The following FRK variants were observed in gnomAD, a reference collection of about 807,000 sequenced individuals.
FRK encodes fyn related Src family tyrosine kinase.
A neutral mutation model predicts 56.4 loss-of-function variants in FRK; 51 were observed. The ratio of observed to expected loss-of-function variants is 0.90; its 90% CI spans 0.72 to 1.14. FRK has a LOEUF of 1.14. FRK is among the 50% of genes most tolerant of loss of function. The pLI is 0.00. For synonymous variants in FRK, 245 were observed against 217.9 expected (o/e 1.12, Z -1.10); for missense variants, 570 against 601.4 (o/e 0.95, Z 0.55).
chr6:116,028,389 A>ACATT (rs1186956469), intron 1 of FRK, among the ~76,000 whole-genome samples: 1 of 152,172 alleles, frequency 6.6e-6, no homozygotes. Flanking sequence ...TCAAAAGAAA[A>ACATT]CATTCATTCA....
chr6:116,055,538 T>G (rs1385855234), intron 1 of FRK, among the ~76,000 whole-genome samples: 1 of 152,236 alleles, frequency 6.6e-6, no homozygotes, highest in Admixed American at 6.5e-5. Context: ...TAGGTCAGTA[T>G]GGGTGGCTCC....
chr6:116,056,256 C>A (rs1051670470), intron 1 of FRK, among the ~76,000 whole-genome samples: 1 of 151,012 alleles, frequency 6.6e-6, no homozygotes, highest in Non-Finnish European at 1.5e-5. Context: ...GCTCTGTCAC[C>A]CAGCCTGGAG....
At position 116,031,140 on chromosome 6, in the gene FRK, T is replaced by A. The variant is rs2114762189; in HGVS notation, c.345-27142A>T. Among the ~76,000 whole-genome samples the A allele has an allele frequency of 2.6e-5, 4 of 152,256 alleles. No homozygotes were observed. In the South Asian group the frequency reaches 8.3e-4, roughly 32 times the overall value. On this transcript the variant is annotated intron_variant, in intron 1 of 7. Transcript: ENST00000606080. The stretch of plus-strand genomic sequence containing the variant: ...AAAAAGTGTAAGAAAGTCTAAATGC[T>A]AACTGTTAAGATGAGGGTTAAATTA...
chr6:116,032,848 C>T (rs1451339751), intron 1 of FRK, among the ~76,000 whole-genome samples: 1 of 151,750 alleles, frequency 6.6e-6, no homozygotes, highest in Non-Finnish European at 1.5e-5. Context: ...GCATTCAATT[C>T]ATTAAAAAAA....
intron 2 of FRK, among the ~76,000 whole-genome samples, chr6:115,988,126 T>C (rs555763999): frequency 2.0e-5 from 3 of 152,172 alleles, no homozygotes; most frequent in African/African-American, 7.2e-5. Flanking sequence ...CTGTGCCAAA[T>C]TTTCTAATAA....
At chr6:116,096,354 A>AT in the FRK span, among the ~76,000 whole-genome samples, 2 of 152,098 alleles carry the variant, frequency 1.3e-5, no homozygotes, top group Non-Finnish European at 2.9e-5. Context: ...TCGAGTGGGG[A>AT]TTTTTTGTGT....
At chr6:116,039,124 C>T (rs1369433374) in intron 1 of FRK, 6 of 863,144 alleles carry the variant, frequency 7.0e-6, no homozygotes, top group East Asian at 2.4e-5. Context: ...TCAGAGTAAT[C>T]GCTTGCACTG....
At chr6:115,950,109 G>A (rs1334562148) in intron 5 of FRK, among the ~76,000 whole-genome samples, 1 of 152,092 alleles carries the variant, frequency 6.6e-6, no homozygotes, top group African/African-American at 2.4e-5. Context: ...TACCATTCAG[G>A]ACATAGGCAT....
intron 1 of FRK, among the ~76,000 whole-genome samples, chr6:116,035,305 G>C (rs1216905352): frequency 2.0e-5 from 3 of 152,048 alleles, no homozygotes; most frequent in Non-Finnish European, 2.9e-5. Context: ...GAGAATTTAA[G>C]TTATAGTGGT....
chr6:116,084,507 G>A, the FRK span, among the ~76,000 whole-genome samples: 1 of 152,164 alleles, frequency 6.6e-6, no homozygotes, highest in Non-Finnish European at 1.5e-5. Context: ...TGGGGTGACT[G>A]TAATAATCAT....
At chr6:115,990,745 T>C (rs116853409) in intron 2 of FRK, among the ~76,000 whole-genome samples, 2,182 of 152,144 alleles carry the variant, frequency 0.014, 27 homozygotes, top group Non-Finnish European at 0.023. Context: ...AGGATTGCTT[T>C]GGCTATTTGT....
At position 115,942,341 on chromosome 6, in the gene FRK, ATAACAT is replaced by A; in HGVS notation, c.*67_*72del. Reference sequence around the variant, plus strand: ...GATAAACTGATTGTGCAGTTGGTTGATAACATTGTATTTTGGAATGGATTATTTGAA... The same window carrying A: ...GATAAACTGATTGTGCAGTTGGTTGATGTATTTTGGAATGGATTATTTGAA... On this transcript the variant is annotated 3_prime_UTR_variant, in exon 8 of 8. Coordinates refer to ENST00000606080, the MANE Select transcript of FRK (RefSeq NM_002031.3). 1 of 1,245,984 alleles carries A rather than the reference ATAACAT, an allele frequency of 8.0e-7. No individual in the cohort carries two copies. Among genetic ancestry groups the A allele is most frequent in the Non-Finnish European group, 1.2e-6 (1 of 860,086 alleles). The allele number at this position is 1,245,984 out of a possible 1,614,324, so 77.2% of individuals were successfully genotyped here.
chr6:116,064,183 C>A (rs776388354), upstream of FRK, among the ~76,000 whole-genome samples: 4 of 152,190 alleles, frequency 2.6e-5, no homozygotes, highest in African/African-American at 4.8e-5. Flanking sequence ...ACCTCTGCAT[C>A]CTCCTCTACC....
intron 1 of FRK, among the ~76,000 whole-genome samples, chr6:116,007,727 A>G (rs897172371): frequency 3.9e-5 from 6 of 152,282 alleles, no homozygotes; most frequent in African/African-American, 1.4e-4. Context: ...TCATACTCCA[A>G]AGATCACTCA....
chr6:116,010,664 TATTTA>T (rs1006095137), intron 1 of FRK, among the ~76,000 whole-genome samples: 1 of 152,200 alleles, frequency 6.6e-6, no homozygotes, highest in African/African-American at 2.4e-5. Context: ...ATTAGGAAGT[TATTTA>T]ACCTCTCTAT....
intron 5 of FRK, among the ~76,000 whole-genome samples, chr6:115,951,263 A>T (rs1772739925): frequency 6.6e-6 from 1 of 152,196 alleles, no homozygotes; most frequent in Non-Finnish European, 1.5e-5. Flanking sequence ...AGTGTTTTTT[A>T]AAGAAAAAAA....
chr6:115,954,594 C>A (rs572540090), intron 5 of FRK, among the ~76,000 whole-genome samples: 6 of 152,210 alleles, frequency 3.9e-5, no homozygotes, highest in African/African-American at 1.2e-4. Flanking sequence ...GGAAAGACTG[C>A]AAGAGTAGCA....
At chr6:116,012,702 T>C (rs781540917) in intron 1 of FRK, among the ~76,000 whole-genome samples, 20 of 152,212 alleles carry the variant, frequency 1.3e-4, no homozygotes, top group Non-Finnish European at 2.5e-4. Context: ...ATACTGAACA[T>C]TGAACTTTAG....
In FRK at chr6:116,060,212, C is replaced by A. The variant is rs1777576029; in HGVS notation, c.100G>T (p.Ala34Ser). The A allele has an allele frequency of 6.2e-7, 1 of 1,613,992 alleles. No individual in the cohort carries two copies. Among genetic ancestry groups the A allele is most frequent in the Non-Finnish European group, 8.5e-7 (1 of 1,180,026 alleles). The change falls in exon 1 of 8, where the codon GCC becomes TCC. Residue 34 changes from alanine to serine, a missense_variant. By Grantham distance (99) the Ala-to-Ser change is moderately conservative. Transcript: ENST00000606080. ...DKSTVIENPG[A>S]LCSPQSQRHG... ...CTCTGTGACTGGGGAGAGCAAAGGG[C>A]CCCTGGATTTTCAATCACGGTTGAC...
Sources: allele counts gnomAD v4.1 joint callset (sites outside exome capture counted in the v4.1 genomes callset), GRCh38; gene constraint gnomAD v4.1.1; transcripts MANE v1.5; gene names NCBI Gene and HGNC (gene_info 2026-07-23, HGNC 2026-07-21).